PPP1R16B: variants seen among roughly 807,000 people sequenced by gnomAD.
PPP1R16B encodes protein phosphatase 1 regulatory inhibitor subunit 16B.
A neutral mutation model predicts 61.7 loss-of-function variants in PPP1R16B; 14 were observed. The ratio of observed to expected loss-of-function variants is 0.23; its 90% confidence interval spans 0.15 to 0.35. PPP1R16B has a LOEUF of 0.35. PPP1R16B is among the 10% of genes least tolerant of loss of function. PPP1R16B has a pLI of 1.00. For missense variants in PPP1R16B, 547 were observed against 752.5 expected (o/e 0.73, Z 3.19); for synonymous variants, 266 against 305.3 (o/e 0.87, Z 1.34).
chr20:38,818,817 G>A lies in PPP1R16B; in HGVS notation c.-102+13025G>A, dbSNP rs528975985. On this transcript the variant is annotated intron_variant, in intron 1 of 10. Coordinates refer to ENST00000299824, the MANE Select transcript of PPP1R16B (RefSeq NM_015568.4). ...ACTCTGTTGCCCAGGCTAGAGTGCA[G>A]TGATCTGTGATCGTGCAGTGGTGCA... 3.3e-5 allele frequency among the ~76,000 whole-genome samples: 5 copies of A among 150,036 alleles called. No individual in the cohort carries two copies. In the South Asian group the frequency reaches 1.1e-3, roughly 32 times the overall value.
chr20:38,840,183 G>T (rs1371032036), intron 2 of PPP1R16B, among the ~76,000 whole-genome samples: 1 of 152,186 alleles, frequency 6.6e-6, no homozygotes, highest in Non-Finnish European at 1.5e-5. Flanking sequence ...CTTTCAGCAG[G>T]CTGGGAACGG....
chr20:38,843,849 G>A (rs1323678856), intron 2 of PPP1R16B, among the ~76,000 whole-genome samples: 1 of 151,982 alleles, frequency 6.6e-6, no homozygotes, highest in East Asian at 1.9e-4. Flanking sequence ...GAAGACAGTT[G>A]GAGTATCTTA....
At chr20:38,809,462 G>C (rs1324631244) in intron 1 of PPP1R16B, among the ~76,000 whole-genome samples, 1 of 152,152 alleles carries the variant, frequency 6.6e-6, no homozygotes, top group Non-Finnish European at 1.5e-5. Context: ...TATGGGGAGA[G>C]GCAGGCCTGG....
chr20:38,839,247 G>C (rs2084893192), intron 2 of PPP1R16B, among the ~76,000 whole-genome samples: 1 of 152,134 alleles, frequency 6.6e-6, no homozygotes, highest in South Asian at 2.1e-4. Flanking sequence ...TGTAAAATCA[G>C]GTTTTGAAAG....
intron 2 of PPP1R16B, among the ~76,000 whole-genome samples, chr20:38,844,057 A>G (rs1376536428): frequency 1.3e-5 from 2 of 152,184 alleles, no homozygotes; most frequent in East Asian, 3.8e-4. Flanking sequence ...AGCCATATCA[A>G]TTTACATCAA....
intron 5 of PPP1R16B, 44 bp from the exon 6 acceptor site, chr20:38,902,624 G>T (rs569226311): frequency 3.1e-6 from 5 of 1,612,322 alleles, no homozygotes; most frequent in African/African-American, 1.3e-5. Flanking sequence ...CTCTGGGGTC[G>T]TAGGCCTGAG....
In PPP1R16B at chr20:38,922,774, G is replaced by T. The variant is rs1046376532; in HGVS notation, c.*4108G>T. 1 of 152,620 alleles carries T rather than the reference G, an allele frequency of 6.6e-6. No homozygotes were observed. Among genetic ancestry groups the T allele is most frequent in the Non-Finnish European group, 1.5e-5 (1 of 68,040 alleles). The allele number at this position is 152,620 out of a possible 1,614,324, so 9.5% of individuals were successfully genotyped here. On this transcript the variant is annotated 3_prime_UTR_variant, in exon 11 of 11. Transcript: ENST00000299824. ...GTATCAGCAGCTTTGTGTAAAAATG[G>T]CAATCAAGAGAGTCTAATATATTTA... is the stretch of plus-strand genomic sequence containing the variant.
Position 38,836,044 on chromosome 20 carries a change from A to G in PPP1R16B, c.119A>G (p.Tyr40Cys). 1 of 1,608,326 alleles carries G rather than the reference A, an allele frequency of 6.2e-7. No individual in the cohort carries two copies. The highest frequency in any genetic ancestry group is 8.5e-7 in the Non-Finnish European group (1 of 1,178,170). The change falls in exon 2 of 11, where the codon TAC (tyrosine) becomes TGC (cysteine). Residue 40 changes from tyrosine to cysteine, a missense_variant. Transcript: ENST00000299824. ...RAQQLKKWAQ[Y>C]EQDLQHRKRK... is the part of the protein sequence containing the mutation. ...CAGCAGCTGAAGAAATGGGCACAGT[A>G]CGAGCAGGACTTGCAGCACCGCAAG...
chr20:38,904,340 A>G (rs1437632836), intron 6 of PPP1R16B, among the ~76,000 whole-genome samples: 1 of 152,228 alleles, frequency 6.6e-6, no homozygotes, highest in East Asian at 1.9e-4. Flanking sequence ...TGGGCTGGGC[A>G]TATACTAGGT....
intron 6 of PPP1R16B, 30 bp from the exon 7 acceptor site, chr20:38,905,939 A>T (rs12626105): frequency 6.2e-7 from 1 of 1,604,214 alleles, no homozygotes; most frequent in South Asian, 1.1e-5. Context: ...TGATCCCCTG[A>T]GGAATGCTCA....
intron 2 of PPP1R16B, among the ~76,000 whole-genome samples, chr20:38,847,895 T>C (rs931186396): frequency 6.6e-6 from 1 of 152,240 alleles, no homozygotes; most frequent in Non-Finnish European, 1.5e-5. Flanking sequence ...TCTTATTTTT[T>C]ATATTGTCAA....
intron 10 of PPP1R16B, among the ~76,000 whole-genome samples, chr20:38,917,760 A>G (rs1601320595): frequency 6.6e-6 from 1 of 152,168 alleles, no homozygotes; most frequent in East Asian, 1.9e-4. Flanking sequence ...AGACCCTTCA[A>G]CATAGTATCT....
intron 2 of PPP1R16B, among the ~76,000 whole-genome samples, chr20:38,852,226 G>A (rs992656819): frequency 8.5e-5 from 13 of 152,222 alleles, no homozygotes; most frequent in African/African-American, 3.1e-4. Context: ...ACCCATCTTG[G>A]TGATCTTGGC....
intron 4 of PPP1R16B, among the ~76,000 whole-genome samples, 160 bp downstream of exon 4, chr20:38,895,870 CCCTCCTTCCT>C (rs1568678915): frequency 0.025 from 1,414 of 55,820 alleles, 167 homozygotes; most frequent in Non-Finnish European, 0.032. Flanking sequence ...TTCCCTCCCT[CCCTCCTTCCT>C]TCTTTCTTCC....
intron 2 of PPP1R16B, among the ~76,000 whole-genome samples, chr20:38,850,925 G>A (rs2084964480): frequency 6.8e-6 from 1 of 147,222 alleles, no homozygotes; most frequent in African/African-American, 2.5e-5. Flanking sequence ...CCGAGATCAT[G>A]CCACTGCACT....
chr20:38,820,179 C>T (rs573551002), intron 1 of PPP1R16B, among the ~76,000 whole-genome samples: 1 of 152,314 alleles, frequency 6.6e-6, no homozygotes, highest in South Asian at 2.1e-4. Flanking sequence ...CAAACTACTT[C>T]TGGGGGCATT....
chr20:38,914,712 A>C (rs776412536), intron 10 of PPP1R16B, among the ~76,000 whole-genome samples: 14 of 152,162 alleles, frequency 9.2e-5, no homozygotes, highest in Non-Finnish European at 1.8e-4. Context: ...AGGGTCACTC[A>C]GGTTAGACTG....
At chr20:38,817,649 T>G (rs1190697530) in intron 1 of PPP1R16B, among the ~76,000 whole-genome samples, 4 of 151,920 alleles carry the variant, frequency 2.6e-5, no homozygotes, top group Admixed American at 1.3e-4. Flanking sequence ...TGGAAAGCCC[T>G]TAAGAGATGA....
At chr20:38,852,286 C>T (rs925619887) in intron 2 of PPP1R16B, among the ~76,000 whole-genome samples, 7 of 152,160 alleles carry the variant, frequency 4.6e-5, no homozygotes, top group African/African-American at 1.4e-4. Flanking sequence ...TATAATTTGG[C>T]GTCCCAGCCA....
Sources: allele counts gnomAD v4.1 joint callset (sites outside exome capture counted in the v4.1 genomes callset), GRCh38; gene constraint gnomAD v4.1.1; transcripts MANE v1.5; gene names NCBI Gene and HGNC (gene_info 2026-07-23, HGNC 2026-07-21).